The following XKR9 variants were observed in gnomAD, a reference collection of about 807,000 sequenced individuals.
XKR9 encodes the protein XK-related protein 9.
In XKR9, 32 loss-of-function variants were observed where a neutral mutation model predicts 32.0. That is an observed-to-expected ratio of 1.00 (90% CI 0.76 to 1.34). XKR9 has a LOEUF of 1.34. XKR9 is among the 40% of genes most tolerant of loss of function. The probability of loss-of-function intolerance (pLI) is 0.00; values close to 1 mark genes in which losing one functional copy is unlikely to be tolerated. For synonymous variants in XKR9, 168 were observed against 143.4 expected (o/e 1.17, Z -1.22); for missense variants, 546 against 429.7 (o/e 1.27, Z -2.39).
At chr8:70,965,282 T>G in the XKR9 span, among the ~76,000 whole-genome samples, 4 of 152,230 alleles carry the variant, frequency 2.6e-5, no homozygotes, top group African/African-American at 9.6e-5. Context: ...CAACCTTGCA[T>G]CCTGGGGATG....
At chr8:70,737,072 T>C (rs1806876726), downstream of XKR9, among the ~76,000 whole-genome samples, 1 of 151,714 alleles carries the variant, frequency 6.6e-6, no homozygotes, top group African/African-American at 2.4e-5. Flanking sequence ...ATGGCCATTT[T>C]CATGATATTG....
chr8:70,896,799 C>G, the XKR9 span, among the ~76,000 whole-genome samples: 1 of 151,826 alleles, frequency 6.6e-6, no homozygotes, highest in Non-Finnish European at 1.5e-5. Flanking sequence ...TATTTTGAAT[C>G]AGCCATACAA....
At chr8:71,028,870 G>A in the XKR9 span, among the ~76,000 whole-genome samples, 1 of 151,638 alleles carries the variant, frequency 6.6e-6, no homozygotes, top group African/African-American at 2.4e-5. Flanking sequence ...TTTTGTAGAG[G>A]CTAAGAGTAT....
intron 2 of XKR9, among the ~76,000 whole-genome samples, chr8:70,769,027 T>A (rs190813704): frequency 9.7e-4 from 148 of 152,278 alleles, no homozygotes; most frequent in African/African-American, 3.5e-3. Context: ...ATAGTGTCGT[T>A]GGTCTATATA....
chr8:70,776,947 C>CTCTCTCTCTCTCTCTCTATATATATA, intron 2 of XKR9, among the ~76,000 whole-genome samples: 46 of 54,196 alleles, frequency 8.5e-4, no homozygotes, highest in African/African-American at 2.5e-3. Flanking sequence ...CTCTCTCTCT[C>CTCTCTCTCTCTCTCTCTATATATATA]TATATATATA....
chr8:71,048,584 G>A, the XKR9 span, among the ~76,000 whole-genome samples: 1 of 152,184 alleles, frequency 6.6e-6, no homozygotes, highest in African/African-American at 2.4e-5. Flanking sequence ...ATATCTGGAT[G>A]TTAACTTTGA....
At chr8:70,983,353 G>A in the XKR9 span, among the ~76,000 whole-genome samples, 1 of 152,062 alleles carries the variant, frequency 6.6e-6, no homozygotes, top group Non-Finnish European at 1.5e-5. Flanking sequence ...TGAACTTCCT[G>A]TATCACCACT....
At chr8:70,894,915 C>A in the XKR9 span, among the ~76,000 whole-genome samples, 1,372 of 152,140 alleles carry the variant, frequency 9.0e-3, 8 homozygotes, top group Non-Finnish European at 0.015. Flanking sequence ...GGATCTGTGG[C>A]TATTTGCCTC....
chr8:70,942,708 G>A, the XKR9 span, among the ~76,000 whole-genome samples: 93 of 152,164 alleles, frequency 6.1e-4, no homozygotes, highest in African/African-American at 1.6e-3. Context: ...TCAGGTCTGC[G>A]GTTGGGGCTA....
At chr8:70,978,527 G>T in the XKR9 span, among the ~76,000 whole-genome samples, 1 of 152,178 alleles carries the variant, frequency 6.6e-6, no homozygotes, top group Admixed American at 6.5e-5. Flanking sequence ...ATTCTGGGTT[G>T]AAAATTCTTT....
the XKR9 span, among the ~76,000 whole-genome samples, chr8:70,897,763 G>C: frequency 1.2e-4 from 19 of 152,090 alleles, no homozygotes; most frequent in Middle Eastern, 0.01. Flanking sequence ...AGCTATTCTG[G>C]TTATTACTCC....
the XKR9 span, among the ~76,000 whole-genome samples, chr8:70,827,664 T>C: frequency 6.6e-6 from 1 of 152,180 alleles, no homozygotes; most frequent in African/African-American, 2.4e-5. Flanking sequence ...GGCACACACA[T>C]ACACTGCAAT....
intron 2 of XKR9, among the ~76,000 whole-genome samples, chr8:70,750,590 T>A (rs886924693): frequency 6.6e-6 from 1 of 152,210 alleles, no homozygotes; most frequent in East Asian, 1.9e-4. Flanking sequence ...GATATGAAGA[T>A]TGCCACTGGA....
chr8:70,958,611 T>C, the XKR9 span, among the ~76,000 whole-genome samples: 2 of 152,242 alleles, frequency 1.3e-5, no homozygotes, highest in Admixed American at 6.5e-5. Context: ...GTCAAATGGA[T>C]TAATTGCAAA....
At chr8:70,903,968 C>T in the XKR9 span, among the ~76,000 whole-genome samples, 1 of 152,010 alleles carries the variant, frequency 6.6e-6, no homozygotes, top group Non-Finnish European at 1.5e-5. Context: ...TTTCTTAATC[C>T]TGAGTTCTAA....
chr8:71,055,396 A>G, the XKR9 span, among the ~76,000 whole-genome samples: 1 of 152,234 alleles, frequency 6.6e-6, no homozygotes, highest in African/African-American at 2.4e-5. Flanking sequence ...GTATGATACC[A>G]TCAATTGTCT....
the XKR9 span, among the ~76,000 whole-genome samples, chr8:70,955,331 G>A: frequency 6.6e-6 from 1 of 152,238 alleles, no homozygotes; most frequent in Admixed American, 6.5e-5. Context: ...AATTCTATCA[G>A]TCTTCAGTCC....
the XKR9 span, among the ~76,000 whole-genome samples, chr8:70,956,347 A>T: frequency 2.6e-5 from 4 of 152,182 alleles, no homozygotes; most frequent in Middle Eastern, 0.01. Context: ...TGTCTGTCTG[A>T]GTCTGGGGTT....
the XKR9 span, among the ~76,000 whole-genome samples, chr8:70,867,899 C>T: frequency 6.6e-6 from 1 of 152,180 alleles, no homozygotes; most frequent in Non-Finnish European, 1.5e-5. Context: ...GGGGTATAGG[C>T]ATTGGGTAAA....
Sources: gnomAD v4.1 joint callset for allele counts (sites outside exome capture counted in the v4.1 genomes callset) on GRCh38, gnomAD v4.1.1 for gene constraint, MANE v1.5 for transcripts, NCBI Gene and HGNC (gene_info 2026-07-23, HGNC 2026-07-21) for gene names.